Variants in PIAS2 observed in about 807,000 individuals in gnomAD.
PIAS2 encodes protein inhibitor of activated STAT 2, also known as E3 SUMO-protein ligase PIAS2.
PIAS2 carries 19 observed loss-of-function variants against 69.7 expected under a neutral mutation model. The ratio of observed to expected loss-of-function variants is 0.27; its 90% CI spans 0.19 to 0.40. The LOEUF (loss-of-function observed/expected upper bound fraction) is 0.40, where lower values mean the gene tolerates loss of function less well. Among genes scored for constraint, PIAS2 ranks in the 10% least tolerant of loss-of-function variants. The probability of loss-of-function intolerance (pLI) is 1.00; values close to 1 mark genes in which losing one functional copy is unlikely to be tolerated. For synonymous variants in PIAS2, 261 were observed against 263.2 expected (o/e 0.99, Z 0.08); for missense variants, 624 against 757.0 (o/e 0.82, Z 2.06).
intron 1 of PIAS2, among the ~76,000 whole-genome samples, chr18:46,915,998 C>A (rs1371594253): frequency 6.6e-6 from 1 of 152,102 alleles, no homozygotes; most frequent in Non-Finnish European, 1.5e-5. Context: ...GGGCTCTGAG[C>A]CACTAAAACC....
chr18:46,877,660 T>C (rs1392243587), intron 2 of PIAS2, among the ~76,000 whole-genome samples: 1 of 152,152 alleles, frequency 6.6e-6, no homozygotes, highest in East Asian at 1.9e-4. Context: ...TCAGTGTAGA[T>C]TGTGCAGTCT....
Position 46,829,712 on chromosome 18 carries a change from TCTG to T in PIAS2, c.1336+19_1336+21del, listed in dbSNP as rs2043320335. Reference sequence around the variant, plus strand: ...TTGCACGAGTCTCACTGCTTTACTCTCTGCTGCTATTCTACACATACTTTCTAT... The same window carrying T: ...TTGCACGAGTCTCACTGCTTTACTCTCTGCTATTCTACACATACTTTCTAT... On this transcript the variant is annotated intron_variant, in intron 10 of 13. Coordinates refer to ENST00000585916, the MANE Select transcript of PIAS2 (RefSeq NM_004671.5). 6 of 1,606,374 alleles carry T rather than the reference TCTG, an allele frequency of 3.7e-6. No homozygotes were observed. The highest frequency in any genetic ancestry group is 5.1e-6 in the Non-Finnish European group (6 of 1,176,154).
At chr18:46,898,514 A>G (rs1470641588) in intron 1 of PIAS2, among the ~76,000 whole-genome samples, 1 of 152,222 alleles carries the variant, frequency 6.6e-6, no homozygotes, top group Non-Finnish European at 1.5e-5. Flanking sequence ...TTAGAAATAT[A>G]AGACAATCCA....
chr18:46,912,945 A>C (rs2057419345), intron 1 of PIAS2, among the ~76,000 whole-genome samples: 1 of 152,210 alleles, frequency 6.6e-6, no homozygotes, highest in African/African-American at 2.4e-5. Flanking sequence ...CCAGGCTCCC[A>C]AAATGCTGAG....
At chr18:46,908,739 T>C (rs2056919216) in intron 1 of PIAS2, among the ~76,000 whole-genome samples, 1 of 152,336 alleles carries the variant, frequency 6.6e-6, no homozygotes, top group Non-Finnish European at 1.5e-5. Context: ...CTGGATGCAG[T>C]TGCTCATGCC....
chr18:46,824,562 T>A (rs578451), intron 11 of PIAS2, among the ~76,000 whole-genome samples: 64,727 of 151,998 alleles, frequency 0.43, 13,955 homozygotes, highest in Middle Eastern at 0.51. Flanking sequence ...AAGACTCCGG[T>A]TCGTAAGCAA....
At chr18:46,838,951 G>A (rs2044874605) in intron 8 of PIAS2, among the ~76,000 whole-genome samples, 1 of 152,150 alleles carries the variant, frequency 6.6e-6, no homozygotes, top group African/African-American at 2.4e-5. Context: ...TATTAAAAAT[G>A]AACGTTGACT....
At chr18:46,826,367 G>A (rs2042852126) in intron 11 of PIAS2, among the ~76,000 whole-genome samples, 1 of 152,134 alleles carries the variant, frequency 6.6e-6, no homozygotes, top group Non-Finnish European at 1.5e-5. Context: ...AAAGGACAGA[G>A]GGTAGACCCT....
chr18:46,862,677 A>G (rs8084833), intron 3 of PIAS2, among the ~76,000 whole-genome samples: 2,917 of 150,062 alleles, frequency 0.019, 80 homozygotes, highest in African/African-American at 0.065. Context: ...ACACACATAT[A>G]TATACACACA....
intron 11 of PIAS2, among the ~76,000 whole-genome samples, chr18:46,825,762 C>T (rs2042764451): frequency 1.3e-5 from 2 of 152,168 alleles, no homozygotes; most frequent in South Asian, 4.1e-4. Flanking sequence ...TAACTGAAAC[C>T]TGACATTTGA....
intron 1 of PIAS2, among the ~76,000 whole-genome samples, chr18:46,893,180 C>T (rs2054326076): frequency 6.6e-6 from 1 of 152,192 alleles, no homozygotes; most frequent in South Asian, 2.1e-4. Flanking sequence ...AAACAGAAGA[C>T]AACAGCTTCT....
At chr18:46,812,962 T>C (rs1039859576) in intron 13 of PIAS2, among the ~76,000 whole-genome samples, 1 of 152,180 alleles carries the variant, frequency 6.6e-6, no homozygotes, top group African/African-American at 2.4e-5. Flanking sequence ...TTTAGTTGGG[T>C]GTCAATTTTG....
intron 1 of PIAS2, chr18:46,901,131 C>T (rs1036829851): frequency 2.4e-5 from 8 of 329,008 alleles, no homozygotes; most frequent in South Asian, 7.1e-5. Context: ...AAAAATTAAA[C>T]TACAGGCTGG....
At chr18:46,837,702 C>T (rs1246739673) in intron 8 of PIAS2, among the ~76,000 whole-genome samples, 2 of 152,144 alleles carry the variant, frequency 1.3e-5, no homozygotes, top group East Asian at 3.9e-4. Context: ...GGTCCACTGG[C>T]ACCAAGACGT....
chr18:46,847,884 T>A (rs1452481479), intron 5 of PIAS2, among the ~76,000 whole-genome samples: 1 of 152,186 alleles, frequency 6.6e-6, no homozygotes, highest in Middle Eastern at 3.2e-3. Context: ...GCCAAAATAA[T>A]ATATTTTTTA....
At chr18:46,841,406 G>A (rs1472471429) in intron 8 of PIAS2, among the ~76,000 whole-genome samples, 5 of 151,892 alleles carry the variant, frequency 3.3e-5, no homozygotes, top group Admixed American at 2.6e-4. Context: ...TTCCTTCTCC[G>A]TTTCCCATTA....
At chr18:46,817,128 T>C in intron 12 of PIAS2, 1 of 951,080 alleles carries the variant, frequency 1.1e-6, no homozygotes. Context: ...TTTTCAGTTT[T>C]CTTCATTTTT....
At chr18:46,915,791 CAAA>C (rs879676692) in intron 1 of PIAS2, among the ~76,000 whole-genome samples, 1 of 86,542 alleles carries the variant, frequency 1.2e-5, no homozygotes. Flanking sequence ...TTTTCATTAA[CAAA>C]AAAAAAAAAA....
At position 46,864,241 on chromosome 18, in the gene PIAS2, G is replaced by T; in HGVS notation, c.507C>A (p.Ser169Arg). ...VLIKPTSLVQ[S>R]SIQRFQEKFF... ...ACTTCTCTTGAAATCGCTGAATACTGCTTTGAACTGGGAAGAAAAAAAAAA... is the reference window on the plus strand; with the variant it reads ...ACTTCTCTTGAAATCGCTGAATACTTCTTTGAACTGGGAAGAAAAAAAAAA... Residue 169 changes from serine to arginine, a missense_variant, in exon 3 of 14, where the codon AGC becomes AGA. Transcript: ENST00000585916. 6.3e-7 allele frequency: 1 copy of T among 1,575,544 alleles called. No individual in the cohort carries two copies. Among genetic ancestry groups the T allele is most frequent in the Non-Finnish European group, 8.6e-7 (1 of 1,161,906 alleles).
Sources: gnomAD v4.1 joint callset for allele counts (sites outside exome capture counted in the v4.1 genomes callset) on GRCh38, gnomAD v4.1.1 for gene constraint, MANE v1.5 for transcripts, NCBI Gene and HGNC (gene_info 2026-07-23, HGNC 2026-07-21) for gene names.